The following MAP4K3 variants were observed in gnomAD, a reference collection of about 807,000 sequenced individuals.
MAP4K3 encodes the protein MAPK/ERK kinase kinase kinase 3.
A neutral mutation model predicts 143.5 loss-of-function variants in MAP4K3; 94 were observed. The ratio of observed to expected loss-of-function variants is 0.65; its 90% CI spans 0.55 to 0.78. The LOEUF is 0.78. Ranked by LOEUF, MAP4K3 falls within the 30% of genes least tolerant of loss-of-function variation. The pLI is 0.00. For synonymous variants in MAP4K3, 416 were observed against 347.2 expected, an observed-to-expected ratio of 1.20 and a Z score of -2.20; for missense variants, 1,077 against 1,068.1, an observed-to-expected ratio of 1.01 and a Z score of -0.12.
intron 29 of MAP4K3, 151 bp downstream of exon 29, chr2:39,260,454 TA>T (rs1680521280): frequency 1.5e-6 from 1 of 663,254 alleles, no homozygotes; most frequent in East Asian, 2.8e-5. Flanking sequence ...TTAGCTATTT[TA>T]AAGAGAGTAA....
intron 26 of MAP4K3, among the ~76,000 whole-genome samples, chr2:39,269,814 T>A (rs529796257): frequency 6.6e-6 from 1 of 152,292 alleles, no homozygotes; most frequent in South Asian, 2.1e-4. Context: ...GATTACGATT[T>A]TCTGGTTAAA....
chr2:39,282,029 T>C (rs2148466934), intron 22 of MAP4K3, among the ~76,000 whole-genome samples: 1 of 147,420 alleles, frequency 6.8e-6, no homozygotes, highest in African/African-American at 2.5e-5. Context: ...CCCGTCTCTA[T>C]AAAAACACAC....
intron 24 of MAP4K3, 60 bp from the exon 25 acceptor site, chr2:39,272,602 T>C: frequency 7.5e-7 from 1 of 1,336,640 alleles, no homozygotes. Context: ...TGTAAATCTG[T>C]ACACAGTAAT....
intron 19 of MAP4K3, among the ~76,000 whole-genome samples, chr2:39,288,779 G>T (rs895840985): frequency 6.6e-6 from 1 of 152,188 alleles, no homozygotes; most frequent in African/African-American, 2.4e-5. Flanking sequence ...GTGGCCGGGT[G>T]CGGTGGCTCA....
intron 32 of MAP4K3, among the ~76,000 whole-genome samples, chr2:39,252,962 A>T (rs1680206589): frequency 6.6e-6 from 1 of 151,908 alleles, no homozygotes; most frequent in Admixed American, 6.6e-5. Context: ...TTTTGGGTGA[A>T]CTTTTTCCTT....
intron 21 of MAP4K3, among the ~76,000 whole-genome samples, chr2:39,286,589 G>A (rs951736012): frequency 6.6e-6 from 1 of 152,124 alleles, no homozygotes; most frequent in Non-Finnish European, 1.5e-5. Context: ...TCTGTATAAA[G>A]AAGATGTTTT....
chr2:39,431,993 G>C (rs1202390029), intron 1 of MAP4K3, among the ~76,000 whole-genome samples: 1 of 152,138 alleles, frequency 6.6e-6, no homozygotes, highest in Non-Finnish European at 1.5e-5. Flanking sequence ...CTCTCAGCCA[G>C]CAAGAGATTT....
At chr2:39,392,548 TACAA>T (rs1666695108) in intron 1 of MAP4K3, among the ~76,000 whole-genome samples, 1 of 152,196 alleles carries the variant, frequency 6.6e-6, no homozygotes, top group African/African-American at 2.4e-5. Flanking sequence ...TGACACTGAA[TACAA>T]ACTGATATAT....
At chr2:39,393,619 C>T (rs558028779) in intron 1 of MAP4K3, among the ~76,000 whole-genome samples, 1 of 152,134 alleles carries the variant, frequency 6.6e-6, no homozygotes, top group Non-Finnish European at 1.5e-5. Context: ...AAGCGAGCAA[C>T]AAACTTCATT....
At chr2:39,390,693 T>C (rs879285207) in intron 1 of MAP4K3, among the ~76,000 whole-genome samples, 1 of 150,350 alleles carries the variant, frequency 6.7e-6, no homozygotes, top group Non-Finnish European at 1.5e-5. Context: ...TGTCCCCAAA[T>C]CAGAAACTGG....
chr2:39,330,858 G>A (rs1683659666), intron 8 of MAP4K3, among the ~76,000 whole-genome samples: 1 of 152,010 alleles, frequency 6.6e-6, no homozygotes. Flanking sequence ...CTTTTTTCAG[G>A]AAAGTACTGT....
intron 16 of MAP4K3, among the ~76,000 whole-genome samples, chr2:39,298,573 A>T (rs1682378393): frequency 6.6e-6 from 1 of 152,230 alleles, no homozygotes; most frequent in African/African-American, 2.4e-5. Flanking sequence ...TATTACCCTT[A>T]AAACTAAGCT....
intron 1 of MAP4K3, among the ~76,000 whole-genome samples, chr2:39,395,328 TACACACACACAC>T (rs10549757): frequency 2.0e-5 from 3 of 149,692 alleles, no homozygotes; most frequent in Admixed American, 6.7e-5. Flanking sequence ...CACGTACACA[TACACACACACAC>T]ACACACACAC....
intron 31 of MAP4K3, among the ~76,000 whole-genome samples, chr2:39,255,475 C>G (rs1680307757): frequency 6.6e-6 from 1 of 152,158 alleles, no homozygotes; most frequent in East Asian, 1.9e-4. Context: ...TTCTTCCCCA[C>G]TAATACATAA....
intron 18 of MAP4K3, among the ~76,000 whole-genome samples, chr2:39,292,512 A>G (rs1682087837): frequency 6.6e-6 from 1 of 152,206 alleles, no homozygotes; most frequent in South Asian, 2.1e-4. Flanking sequence ...GGCAGCCCTC[A>G]CCAAGTTGGT....
chr2:39,407,195 C>T (rs6761146), intron 1 of MAP4K3, among the ~76,000 whole-genome samples: 1 of 151,704 alleles, frequency 6.6e-6, no homozygotes, highest in Non-Finnish European at 1.5e-5. Flanking sequence ...ACTCAGCAAA[C>T]AGGAAATAAA....
In MAP4K3 at chr2:39,331,998, A is replaced by T. The variant is rs1331367126; in HGVS notation, c.458-9T>A. 2.7e-6 allele frequency: 4 copies of T among 1,482,380 alleles called. No individual in the cohort carries two copies. The African/African-American group carries it at 5.5e-5, about 20-fold the overall frequency. 91.8% of individuals were successfully genotyped at this position (1,482,380 alleles called of 1,614,324 possible). A position where few individuals can be genotyped will look rare whatever the true frequency, so the allele number is the denominator to read the frequency against. ...AGATACTCCAAAATCAGCTATTAAAAAAAATGAGAAACATTTAGGAAACTG... is the reference window on the plus strand; with the variant it reads ...AGATACTCCAAAATCAGCTATTAAATAAAATGAGAAACATTTAGGAAACTG... On this transcript the variant is annotated splice_polypyrimidine_tract_variant and intron_variant, in intron 7 of 33. Coordinates refer to ENST00000263881, the MANE Select transcript of MAP4K3 (RefSeq NM_003618.4).
At chr2:39,435,309 T>C (rs955331079) in intron 1 of MAP4K3, among the ~76,000 whole-genome samples, 5 of 152,144 alleles carry the variant, frequency 3.3e-5, no homozygotes, top group Non-Finnish European at 7.4e-5. Context: ...CCTGCAATAG[T>C]TCCCCATTGT....
At chr2:39,377,103 T>C (rs1184668013) in intron 2 of MAP4K3, among the ~76,000 whole-genome samples, 1 of 151,822 alleles carries the variant, frequency 6.6e-6, no homozygotes, top group Non-Finnish European at 1.5e-5. Flanking sequence ...AGTTTATTGA[T>C]GCTCTAAATA....
Sources: allele counts gnomAD v4.1 joint callset (sites outside exome capture counted in the v4.1 genomes callset), GRCh38; gene constraint gnomAD v4.1.1; transcripts MANE v1.5; gene names NCBI Gene and HGNC (gene_info 2026-07-23, HGNC 2026-07-21).